ZP3: variants seen among roughly 807,000 people sequenced by gnomAD.
ZP3 encodes the protein zona pellucida glycoprotein 3.
ZP3 carries 21 observed loss-of-function variants against 35.6 expected under a neutral mutation model. The observed-to-expected ratio is 0.59, with a 90% CI of 0.42 to 0.85. The LOEUF is 0.85. Among genes scored for constraint, ZP3 ranks in the 40% least tolerant of loss-of-function variants. The probability of loss-of-function intolerance (pLI) is 0.00; values close to 1 mark genes in which losing one functional copy is unlikely to be tolerated. For missense variants in ZP3, 437 were observed against 536.5 expected, an observed-to-expected ratio of 0.81 and a Z score of 1.83; for synonymous variants, 207 against 214.5, an observed-to-expected ratio of 0.96 and a Z score of 0.31.
intron 1 of ZP3, chr7:76,428,789 C>G (rs1268762021): frequency 6.6e-6 from 1 of 152,592 alleles, no homozygotes; most frequent in Non-Finnish European, 1.5e-5. Context: ...TCAAGCGATT[C>G]TTCTGCCTCA....
chr7:76,398,940 T>A, intron 1 of ZP3: 2 of 776,340 alleles, frequency 2.6e-6, no homozygotes, highest in Non-Finnish European at 4.3e-6. Flanking sequence ...CCAGGAACAC[T>A]GGGGTATGAG....
intron 5 of ZP3, chr7:76,440,038 G>T: frequency 1.7e-6 from 1 of 594,800 alleles, no homozygotes; most frequent in South Asian, 2.1e-5. Context: ...GTAGCGATGG[G>T]GTTTCACCAT....
chr7:76,419,354 T>C (rs1233568116), intron 1 of ZP3, among the ~76,000 whole-genome samples: 2 of 152,178 alleles, frequency 1.3e-5, no homozygotes, highest in Admixed American at 1.3e-4. Context: ...TAGAATTCAT[T>C]TTTATGTGGG....
intron 7 of ZP3, among the ~76,000 whole-genome samples, chr7:76,441,455 C>G (rs1407755900): frequency 2.0e-5 from 3 of 151,926 alleles, no homozygotes. Context: ...ATGGCACGAT[C>G]TCTGCTCACT....
intron 5 of ZP3, 102 bp from the exon 6 acceptor site, chr7:76,440,148 C>T: frequency 4.1e-6 from 6 of 1,477,766 alleles, no homozygotes; most frequent in Non-Finnish European, 4.6e-6. Context: ...CACCCGGCCC[C>T]TTCTCACTCT....
chr7:76,401,127 A>C, intron 1 of ZP3: 2 of 1,443,796 alleles, frequency 1.4e-6, no homozygotes, highest in South Asian at 1.4e-5. Context: ...CAACTCCCAC[A>C]GTCCTCAACA....
chr7:76,438,557 AG>A, intron 5 of ZP3, among the ~76,000 whole-genome samples: 1 of 143,998 alleles, frequency 6.9e-6, no homozygotes, highest in East Asian at 2.0e-4. Context: ...AAAAAAAAAA[AG>A]GGTAGCGGGG....
At chr7:76,408,163 A>G (rs1241189840) in intron 1 of ZP3, among the ~76,000 whole-genome samples, 4 of 152,086 alleles carry the variant, frequency 2.6e-5, no homozygotes. Context: ...TTGTCCCAGA[A>G]GGAGCTCCCC....
intron 1 of ZP3, among the ~76,000 whole-genome samples, chr7:76,401,881 T>C (rs1804840817): frequency 6.6e-6 from 1 of 152,208 alleles, no homozygotes; most frequent in South Asian, 2.1e-4. Flanking sequence ...CTCAACTCTG[T>C]GTCCCCAGAC....
intron 7 of ZP3, among the ~76,000 whole-genome samples, chr7:76,441,179 A>T (rs1001626005): frequency 7.3e-5 from 11 of 151,500 alleles, no homozygotes; most frequent in Non-Finnish European, 7.4e-5. Context: ...CTCAAAAAAA[A>T]AATAATAATC....
upstream of ZP3, among the ~76,000 whole-genome samples, chr7:76,421,633 C>G (rs1046070312): frequency 6.7e-6 from 1 of 149,518 alleles, no homozygotes; most frequent in African/African-American, 2.5e-5. Context: ...GATGGAGTCT[C>G]GCCCAGGCTG....
chr7:76,436,493 A>T (rs1399902504), intron 5 of ZP3, among the ~76,000 whole-genome samples: 4 of 152,272 alleles, frequency 2.6e-5, no homozygotes, highest in African/African-American at 9.6e-5. Flanking sequence ...TCAGGGTGGC[A>T]TTAAGGGACA....
chr7:76,433,058 C>T (rs1216326400), intron 3 of ZP3, 28 bp downstream of exon 3: 1 of 1,570,654 alleles, frequency 6.4e-7, no homozygotes, highest in South Asian at 1.1e-5. Flanking sequence ...GGTGGGACAT[C>T]TGTGGAAAGA....
chr7:76,433,108 T>G, intron 3 of ZP3, 78 bp downstream of exon 3: 1 of 1,005,402 alleles, frequency 9.9e-7, no homozygotes. Context: ...CTGTGTCTTT[T>G]TTTTGTTTGT....
chr7:76,413,109 C>T (rs998558065), intron 1 of ZP3, among the ~76,000 whole-genome samples: 42 of 151,546 alleles, frequency 2.8e-4, no homozygotes, highest in Admixed American at 2.4e-3. Context: ...ACTACAGGCG[C>T]GTGCCACTGC....
intron 1 of ZP3, among the ~76,000 whole-genome samples, chr7:76,419,600 T>C (rs1355287666): frequency 6.6e-6 from 1 of 152,058 alleles, no homozygotes; most frequent in East Asian, 1.9e-4. Context: ...ATGTTCTTTT[T>C]CTTTCTCCCT....
At chr7:76,441,765 G>T in intron 7 of ZP3, 77 bp from the exon 8 acceptor site, 1 of 1,504,514 alleles carries the variant, frequency 6.6e-7, no homozygotes. Flanking sequence ...TTAGCCCACT[G>T]AGGCAGAATA....
intron 1 of ZP3, among the ~76,000 whole-genome samples, chr7:76,426,821 G>A (rs1805669991): frequency 6.8e-6 from 1 of 147,660 alleles, no homozygotes; most frequent in South Asian, 2.2e-4. Flanking sequence ...CTTGGGCCCG[G>A]GAGTTTAAGG....
intron 1 of ZP3, chr7:76,398,692 A>C (rs1804718983): frequency 1.9e-6 from 3 of 1,610,422 alleles, no homozygotes; most frequent in Non-Finnish European, 1.7e-6. Flanking sequence ...CCCAAAACCC[A>C]GGTGGTGCCC....
Sources: gnomAD v4.1 joint callset for allele counts (sites outside exome capture counted in the v4.1 genomes callset) on GRCh38, gnomAD v4.1.1 for gene constraint, MANE v1.5 for transcripts, NCBI Gene and HGNC (gene_info 2026-07-23, HGNC 2026-07-21) for gene names.